Variants in GSPT1 observed in about 807,000 individuals in gnomAD.
The protein encoded by GSPT1 is eukaryotic peptide chain release factor GTP-binding subunit ERF3A.
A neutral mutation model predicts 72.5 loss-of-function variants in GSPT1; 20 were observed. The ratio of observed to expected loss-of-function variants is 0.28; its 90% confidence interval spans 0.19 to 0.40. The LOEUF is 0.40. Among genes scored for constraint, GSPT1 ranks in the 10% least tolerant of loss-of-function variants. The pLI, the probability that GSPT1 is intolerant of heterozygous loss-of-function variation, is 1.00. For missense variants in GSPT1, 580 were observed against 811.9 expected (o/e 0.71, Z 3.47); for synonymous variants, 334 against 293.5 (o/e 1.14, Z -1.41).
intron 7 of GSPT1, 124 bp downstream of exon 7, chr16:11,887,446 G>T (rs2054198587): frequency 4.1e-6 from 3 of 728,396 alleles, no homozygotes; most frequent in African/African-American, 3.6e-5. Context: ...TGAAAACTGT[G>T]ACCGTGTACA....
At chr16:11,895,999 G>C (rs1409221400) in intron 4 of GSPT1, among the ~76,000 whole-genome samples, 1 of 152,236 alleles carries the variant, frequency 6.6e-6, no homozygotes, top group Non-Finnish European at 1.5e-5. Flanking sequence ...GGGGAAGGCA[G>C]AGATAGCTGA....
At chr16:11,894,416 C>T (rs563957268) in intron 5 of GSPT1, among the ~76,000 whole-genome samples, 23 of 152,042 alleles carry the variant, frequency 1.5e-4, no homozygotes, top group African/African-American at 5.3e-4. Flanking sequence ...GCTAGTCTAC[C>T]TGTCTTTTAT....
upstream of GSPT1, among the ~76,000 whole-genome samples, chr16:11,916,278 G>C (rs2054636575): frequency 6.7e-6 from 1 of 148,444 alleles, no homozygotes; most frequent in Non-Finnish European, 1.5e-5. Context: ...TCACCTGGTG[G>C]GGGGGCAGCG....
At position 11,877,554 on chromosome 16, in the gene GSPT1, A is replaced by G; in HGVS notation, c.1455T>C (p.Leu485=). Residue 485 remains leucine, a synonymous_variant, in exon 12 of 15, where the codon CTT becomes CTC. Transcript: ENST00000434724. This position sits in a 1 kb window ranked among gnomAD's most constrained non-coding sequence, Gnocchi z 4.0. ...NKHNVEVLGI[L]SDDVETDTVA... ...CGGTATCAGTCTCTACATCATCGGA[A>G]AGTATTCCAAGAACTTCCACGTTGT... 6.3e-7 allele frequency: 1 copy of G among 1,596,244 alleles called. No homozygotes were observed. Among genetic ancestry groups the G allele is most frequent in the Non-Finnish European group, 8.5e-7 (1 of 1,174,446 alleles).
intron 1 of GSPT1, among the ~76,000 whole-genome samples, chr16:11,900,825 T>TA (rs2054396357): frequency 6.6e-6 from 1 of 152,054 alleles, no homozygotes; most frequent in African/African-American, 2.4e-5. Flanking sequence ...CACCAACTAT[T>TA]AGATTTACAA....
In GSPT1 at chr16:11,886,492, G is replaced by A. The variant is rs1414058348; in HGVS notation, c.1232C>T (p.Ser411Leu). ...TTACATGTACCAAGGACAGAAATCCGACTGCTCTTTGAGATTTGCTCCAGT... is the reference window on the plus strand; with the variant it reads ...TTACATGTACCAAGGACAGAAATCCAACTGCTCTTTGAGATTTGCTCCAGT... ...GLTGANLKEQ[S>L]DFCPWYIGLP... The change falls in exon 9 of 15, where the codon TCG becomes TTG. Residue 411 changes from serine to leucine, a missense_variant. Physicochemically the swap from Ser to Leu is moderately radical, Grantham distance 145. Coordinates refer to ENST00000434724, the MANE Select transcript of GSPT1 (RefSeq NM_002094.4). 9.9e-6 allele frequency: 16 copies of A among 1,612,468 alleles called. No homozygotes were observed. Among genetic ancestry groups the A allele is most frequent in the African/African-American group, 1.3e-5 (1 of 74,858 alleles).
Position 11,870,119 on chromosome 16 carries a change from A to AC in GSPT1, c.*2999_*3000insG, listed in dbSNP as rs139530283. The stretch of plus-strand genomic sequence containing the variant: ...CATATTTCAAAGATTTTCAACTCAC[A>AC]AAAAAAAAATACATGGGCTTAATTA... On this transcript the variant is annotated 3_prime_UTR_variant, in exon 15 of 15. Transcript: ENST00000434724. The AC allele has an allele frequency of 7.6e-5, 4 of 52,572 alleles. No homozygotes were observed. The highest frequency in any genetic ancestry group is 1.7e-4 in the Non-Finnish European group (2 of 11,676). The allele number at this position is 52,572 out of a possible 1,614,324, so 3.3% of individuals were successfully genotyped here. A position where few individuals can be genotyped will look rare whatever the true frequency, so the allele number is the denominator to read the frequency against.
intron 1 of GSPT1, among the ~76,000 whole-genome samples, chr16:11,899,581 T>A (rs1287327448): frequency 1.3e-5 from 2 of 152,104 alleles, no homozygotes; most frequent in Non-Finnish European, 2.9e-5. Context: ...AGCAGGACAT[T>A]AACAAACAGG....
At chr16:11,913,033 A>G (rs928684573) in intron 1 of GSPT1, among the ~76,000 whole-genome samples, 1 of 152,240 alleles carries the variant, frequency 6.6e-6, no homozygotes, top group African/African-American at 2.4e-5. Flanking sequence ...TTAACTAAAG[A>G]ACAGAACATG....
intron 6 of GSPT1, among the ~76,000 whole-genome samples, chr16:11,888,392 G>A (rs1024602339): frequency 6.6e-6 from 1 of 151,774 alleles, no homozygotes; most frequent in Non-Finnish European, 1.5e-5. Flanking sequence ...AAGCTGGGAG[G>A]TAGAGGTTGC....
In GSPT1 at chr16:11,886,539, G is replaced by A. The variant is rs764431277; in HGVS notation, c.1185C>T (p.His395=). The A allele has an allele frequency of 6.2e-7, 1 of 1,612,548 alleles. No homozygotes were observed. The highest frequency in any genetic ancestry group is 1.1e-5 in the South Asian group (1 of 91,046). Reference sequence around the variant, plus strand: ...CAGTAAGTCCTGAGCAGGGCATAAAGTGAATGTCCTTTTTGGGATTGAAGC... The same window carrying A: ...CAGTAAGTCCTGAGCAGGGCATAAAATGAATGTCCTTTTTGGGATTGAAGC... ...KVGFNPKKDI[H]FMPCSGLTGA... is the part of the protein sequence containing the mutation. The change falls in exon 9 of 15, where the codon CAC becomes CAT. Residue 395 remains histidine, a synonymous_variant. Coordinates refer to ENST00000434724, the MANE Select transcript of GSPT1 (RefSeq NM_002094.4).
chr16:11,904,340 C>A (rs1485913203), intron 1 of GSPT1, among the ~76,000 whole-genome samples: 1 of 152,064 alleles, frequency 6.6e-6, no homozygotes. Flanking sequence ...GTAGCTGGGA[C>A]TACAGGCGCG....
At chr16:11,889,125 G>A (rs33647) in intron 6 of GSPT1, among the ~76,000 whole-genome samples, 3 of 151,514 alleles carry the variant, frequency 2.0e-5, no homozygotes, top group East Asian at 2.0e-4. Flanking sequence ...TAGCTAACAC[G>A]GTGAAACCCT....
intron 6 of GSPT1, among the ~76,000 whole-genome samples, chr16:11,889,071 G>A (rs928277916): frequency 1.3e-5 from 2 of 152,102 alleles, no homozygotes; most frequent in Non-Finnish European, 2.9e-5. Context: ...CATTCTAGGA[G>A]GCTGAGGCAG....
chr16:11,897,941 A>G (rs1404098773), intron 2 of GSPT1, 53 bp downstream of exon 2: 1 of 1,432,622 alleles, frequency 7.0e-7, no homozygotes, highest in South Asian at 1.2e-5. Flanking sequence ...TTTACACACC[A>G]TATAGACAAC....
intron 5 of GSPT1, among the ~76,000 whole-genome samples, chr16:11,892,852 A>AAG (rs2054286639): frequency 2.0e-5 from 3 of 148,812 alleles, no homozygotes; most frequent in Admixed American, 1.3e-4. Flanking sequence ...AAAAAAAAAA[A>AAG]AAAGAAAAGA....
At chr16:11,890,898 G>C in intron 6 of GSPT1, 164 bp downstream of exon 6, 1 of 470,354 alleles carries the variant, frequency 2.1e-6, no homozygotes, top group Non-Finnish European at 3.8e-6. Context: ...AGTTATTAAA[G>C]CATTAGGAAC....
At chr16:11,875,097 G>A (rs562634896) in intron 14 of GSPT1, among the ~76,000 whole-genome samples, 1 of 152,256 alleles carries the variant, frequency 6.6e-6, no homozygotes, top group Non-Finnish European at 1.5e-5. Flanking sequence ...GCTGAGGCAG[G>A]AGAATGGCGT....
Position 11,872,540 on chromosome 16 carries a change from A to G in GSPT1, c.*579T>C, listed in dbSNP as rs1018319110. ...CTTGAACGCTGTGAATGTCTCATTT[A>G]TAGTGGGTAGGGAAAGAGTTTATAA... On this transcript the variant is annotated 3_prime_UTR_variant, in exon 15 of 15. Coordinates refer to ENST00000434724, the MANE Select transcript of GSPT1 (RefSeq NM_002094.4). 6.6e-6 allele frequency: 1 copy of G among 152,256 alleles called. No homozygotes were observed. The highest frequency in any genetic ancestry group is 2.4e-5 in the African/African-American group (1 of 41,462). 9.4% of individuals were successfully genotyped at this position (152,256 alleles called of 1,614,324 possible). A position where few individuals can be genotyped will look rare whatever the true frequency, so the allele number is the denominator to read the frequency against.
Sources: allele counts gnomAD v4.1 joint callset (sites outside exome capture counted in the v4.1 genomes callset), GRCh38; gene constraint gnomAD v4.1.1; non-coding constraint Gnocchi (gnomAD v3.1); transcripts MANE v1.5; gene names NCBI Gene and HGNC (gene_info 2026-07-23, HGNC 2026-07-21).